The following TPR variants were observed in gnomAD, a reference collection of about 807,000 sequenced individuals.
The protein encoded by TPR is nucleoprotein TPR.
A neutral mutation model predicts 316.1 loss-of-function variants in TPR; 51 were observed. The ratio of observed to expected loss-of-function variants is 0.16; its 90% CI spans 0.13 to 0.20. The LOEUF (loss-of-function observed/expected upper bound fraction) is 0.20. Among genes scored for constraint, TPR ranks in the 10% least tolerant of loss-of-function variants. The probability of loss-of-function intolerance (pLI) is 1.00; values close to 1 mark genes in which losing one functional copy is unlikely to be tolerated. For synonymous variants in TPR, 981 were observed against 914.7 expected (o/e 1.07, Z -1.31); for missense variants, 2,272 against 2,754.8 (o/e 0.82, Z 3.92).
intron 3 of TPR, among the ~76,000 whole-genome samples, chr1:186,370,013 C>T (rs1358543514): frequency 6.6e-6 from 1 of 151,950 alleles, no homozygotes; most frequent in Non-Finnish European, 1.5e-5. Flanking sequence ...TGCTTCTTTC[C>T]AAAAGATTAA....
In TPR at chr1:186,327,589, A is replaced by G. The variant is rs1277425451; in HGVS notation, c.5760T>C (p.Leu1920=). The G allele has an allele frequency of 1.2e-6, 2 of 1,612,812 alleles. No individual in the cohort carries two copies. Among genetic ancestry groups the G allele is most frequent in the Non-Finnish European group, 1.7e-6 (2 of 1,179,802 alleles). Residue 1920 remains leucine (L), a synonymous_variant, in exon 40 of 51, where the codon CTT becomes CTC. Transcript: ENST00000367478. ...TCTGCTGATCTGATTGAAGTGGCCC[A>G]AGATCTATTTGTAGAGACTGAGAGG... ...EETSQSLQID[L]GPLQSDQQTT...
At chr1:186,326,306 C>T in intron 40 of TPR, 71 bp from the exon 41 acceptor site, 1 of 1,533,542 alleles carries the variant, frequency 6.5e-7, no homozygotes, top group Non-Finnish European at 8.8e-7. Flanking sequence ...GTCTAGATAC[C>T]ACACTTAGAA....
At chr1:186,330,073 TTC>T (rs1658114193) in intron 39 of TPR, among the ~76,000 whole-genome samples, 1 of 151,966 alleles carries the variant, frequency 6.6e-6, no homozygotes, top group South Asian at 2.1e-4. Context: ...TAGTAATGAG[TTC>T]TGTGTTAAAT....
intron 40 of TPR, among the ~76,000 whole-genome samples, 177 bp downstream of exon 40, chr1:186,327,283 A>AATATATATAAATATATTATATATT (rs1557994123): frequency 5.8e-5 from 4 of 69,480 alleles, no homozygotes; most frequent in Non-Finnish European, 1.1e-4. Context: ...TTTATATATA[A>AATATATATAAATATATTATATATT]TATATATAAA....
intron 2 of TPR, among the ~76,000 whole-genome samples, chr1:186,372,529 G>C (rs559038319): frequency 2.0e-5 from 3 of 151,836 alleles, no homozygotes; most frequent in African/African-American, 7.3e-5. Context: ...GCAACACAGT[G>C]AGACTCTGTC....
chr1:186,326,263 A>G, intron 40 of TPR, 28 bp from the exon 41 acceptor site: 1 of 1,578,848 alleles, frequency 6.3e-7, no homozygotes, highest in African/African-American at 1.4e-5. Flanking sequence ...AGGCATAAAT[A>G]AAAGTTTAGA....
Position 186,314,032 on chromosome 1 carries a change from A to G in TPR, c.7037-6T>C. On this transcript the variant is annotated splice_polypyrimidine_tract_variant and splice_region_variant and intron_variant, in intron 50 of 50. Transcript: ENST00000367478. ...TCCCATTGCATGGCTCACACCTGTA[A>G]AAGAAAAAAGAATCAAATTGAATAT... The G allele has an allele frequency of 6.2e-7, 1 of 1,608,364 alleles. No individual in the cohort carries two copies. The highest frequency in any genetic ancestry group is 1.1e-5 in the South Asian group (1 of 90,546).
At chr1:186,371,388 A>AT (rs1659520278) in intron 2 of TPR, among the ~76,000 whole-genome samples, 1 of 152,210 alleles carries the variant, frequency 6.6e-6, no homozygotes, top group Non-Finnish European at 1.5e-5. Flanking sequence ...CAGTAAGAAA[A>AT]TGGAGTTAAA....
chr1:186,335,404 T>C lies in TPR; in HGVS notation c.4845A>G (p.Arg1615=). Residue 1615 remains arginine, a synonymous_variant, in exon 34 of 51, where the codon AGA becomes AGG. Transcript: ENST00000367478. ...QYEGRISRLE[R]ELREHQERHL... ...GTCTCTCTTGATGCTCCCTGAGTTCTCTTTCCAAGCGACTAATTCGACCTT... is the reference window on the plus strand; with the variant it reads ...GTCTCTCTTGATGCTCCCTGAGTTCCCTTTCCAAGCGACTAATTCGACCTT... The C allele has an allele frequency of 1.2e-6, 2 of 1,613,834 alleles. No homozygotes were observed. The highest frequency in any genetic ancestry group is 1.7e-6 in the Non-Finnish European group (2 of 1,179,794).
At chr1:186,328,472 T>A (rs543974054) in intron 39 of TPR, among the ~76,000 whole-genome samples, 1 of 152,260 alleles carries the variant, frequency 6.6e-6, no homozygotes, top group Admixed American at 6.5e-5. Context: ...TATATTTGTA[T>A]CAATTTGGAC....
chr1:186,320,453 A>G, intron 45 of TPR, 35 bp from the exon 46 acceptor site: 1 of 1,564,960 alleles, frequency 6.4e-7, no homozygotes, highest in South Asian at 1.2e-5. Flanking sequence ...GATGAAATTT[A>G]AAGTTAACCT....
At chr1:186,318,632 C>T (rs771472921) in intron 47 of TPR, 29 bp from the exon 48 acceptor site, 1 of 1,603,622 alleles carries the variant, frequency 6.2e-7, no homozygotes, top group Non-Finnish European at 8.5e-7. Context: ...AGAAAAAGAA[C>T]TTTAAAACTT....
At chr1:186,349,326 A>G (rs1479583757) in intron 21 of TPR, among the ~76,000 whole-genome samples, 1 of 152,222 alleles carries the variant, frequency 6.6e-6, no homozygotes, top group East Asian at 1.9e-4. Context: ...GAAAGTCTGC[A>G]TACAATTATT....
Position 186,314,025 on chromosome 1 carries a change from A to G in TPR, c.7038T>C (p.Gly2346=). ...VRGRQFNRQR[G]VSHAMGGRGG... ...CTCTCCCTCCCATTGCATGGCTCACACCTGTAAAAGAAAAAAGAATCAAAT... is the reference window on the plus strand; with the variant it reads ...CTCTCCCTCCCATTGCATGGCTCACGCCTGTAAAAGAAAAAAGAATCAAAT... Residue 2346 remains glycine, a splice_region_variant and synonymous_variant, in exon 51 of 51, where the codon GGT becomes GGC. Transcript: ENST00000367478. The G allele has an allele frequency of 6.2e-7, 1 of 1,609,934 alleles. No homozygotes were observed. Among genetic ancestry groups the G allele is most frequent in the African/African-American group, 1.3e-5 (1 of 74,950 alleles).
intron 37 of TPR, among the ~76,000 whole-genome samples, 187 bp from the exon 38 acceptor site, chr1:186,332,530 T>A (rs888277925): frequency 6.6e-6 from 1 of 152,166 alleles, no homozygotes; most frequent in South Asian, 2.1e-4. Flanking sequence ...TGCTAAGCTA[T>A]GGGTAAACAA....
At chr1:186,361,545 A>G in intron 9 of TPR, 77 bp downstream of exon 9, 1 of 1,413,472 alleles carries the variant, frequency 7.1e-7, no homozygotes, top group South Asian at 1.2e-5. Flanking sequence ...AAATCCAATC[A>G]TCTATACAAA....
rs1658172661 is a variant in TPR, at chr1:186,331,706, A to G, written c.5605-125T>C. Reference sequence around the variant, plus strand: ...ATATTTTATGAAACTATAGAAAAATAAAAAAATTTTATTTAAAAATTATAA... The same window carrying G: ...ATATTTTATGAAACTATAGAAAAATGAAAAAATTTTATTTAAAAATTATAA... On this transcript the variant is annotated intron_variant, in intron 38 of 50. Transcript: ENST00000367478. The G allele has an allele frequency of 2.2e-5, 11 of 504,962 alleles. No homozygotes were observed. In the East Asian group the frequency reaches 3.9e-4, roughly 18 times the overall value. The allele number at this position is 504,962 out of a possible 1,614,324, so 31.3% of individuals were successfully genotyped here. A position where few individuals can be genotyped will look rare whatever the true frequency, so the allele number is the denominator to read the frequency against.
chr1:186,356,150 G>T, intron 15 of TPR, 136 bp downstream of exon 15: 1 of 708,686 alleles, frequency 1.4e-6, no homozygotes, highest in Non-Finnish European at 2.2e-6. Flanking sequence ...ACAGTTGATG[G>T]GATGTTATAA....
chr1:186,350,363 T>C lies in TPR; in HGVS notation c.2636A>G (p.Gln879Arg). 5 of 1,606,424 alleles carry C rather than the reference T, an allele frequency of 3.1e-6. No homozygotes were observed. The South Asian group carries it at 4.5e-5, about 14-fold the overall frequency. The change falls in exon 21 of 51, where the codon CAA becomes CGA. Residue 879 changes from glutamine (Q) to arginine (R), a missense_variant. Gln to Arg is a conservative substitution (Grantham distance 43, BLOSUM62 1). Coordinates refer to ENST00000367478, the MANE Select transcript of TPR (RefSeq NM_003292.3). The part of the protein sequence containing the change: ...LDVQLLDTKR[Q>R]LDTETNLHLN... ...ATGAAGATTTGTCTCTGTATCCAGT[T>C]GTCTCTTTGTATCTAAAAGTTGAAC...
Sources: allele counts gnomAD v4.1 joint callset (sites outside exome capture counted in the v4.1 genomes callset), GRCh38; gene constraint gnomAD v4.1.1; transcripts MANE v1.5; gene names NCBI Gene and HGNC (gene_info 2026-07-23, HGNC 2026-07-21).